Variants in NRXN3 observed in about 807,000 individuals in gnomAD.
The protein encoded by NRXN3 is neurexin III.
In NRXN3, 32 loss-of-function variants were observed where a neutral mutation model predicts 137.6. The observed-to-expected ratio is 0.23, with a 90% CI of 0.18 to 0.31. The LOEUF (loss-of-function observed/expected upper bound fraction) is 0.31. Ranked by LOEUF, NRXN3 falls within the 10% of genes least tolerant of loss-of-function variation. The pLI, the probability that NRXN3 is intolerant of heterozygous loss-of-function variation, is 1.00. For synonymous variants in NRXN3, 798 were observed against 784.5 expected (o/e 1.02, Z -0.29); for missense variants, 1,574 against 2,062.5 (o/e 0.76, Z 4.59).
intron 10 of NRXN3, among the ~76,000 whole-genome samples, chr14:78,812,942 G>A (rs1258915133): frequency 1.3e-5 from 2 of 152,104 alleles, no homozygotes; most frequent in African/African-American, 2.4e-5. Context: ...ATATACATGG[G>A]TCTTTTAAAC....
chr14:79,504,639 T>TATATATATGTATATATGTATATATATATA (rs60009832), intron 16 of NRXN3, among the ~76,000 whole-genome samples: 53 of 93,354 alleles, frequency 5.7e-4, no homozygotes, highest in African/African-American at 2.1e-3. Context: ...AAATGAAGTT[T>TATATATATGTATATATGTATATATATATA]TTTATATATA....
intron 15 of NRXN3, among the ~76,000 whole-genome samples, chr14:79,146,070 T>C (rs1465511832): frequency 6.6e-6 from 1 of 152,176 alleles, no homozygotes; most frequent in East Asian, 1.9e-4. Context: ...CCTAATTTAT[T>C]GCGCTTTTAT....
chr14:78,477,727 T>A (rs1436306570), intron 4 of NRXN3, among the ~76,000 whole-genome samples: 1 of 152,226 alleles, frequency 6.6e-6, no homozygotes, highest in African/African-American at 2.4e-5. Context: ...TGAAAAATCT[T>A]TCTTAAATCC....
chr14:78,279,064 T>G (rs1359350190), intron 3 of NRXN3, among the ~76,000 whole-genome samples: 3 of 152,250 alleles, frequency 2.0e-5, no homozygotes, highest in African/African-American at 7.2e-5. Context: ...ATGACATACG[T>G]AGCATGGAAA....
chr14:79,772,448 A>T (rs1363835145), intron 19 of NRXN3, among the ~76,000 whole-genome samples: 2 of 152,230 alleles, frequency 1.3e-5, no homozygotes, highest in East Asian at 3.9e-4. Flanking sequence ...AATGGAACAG[A>T]ACAGAGCCCT....
chr14:78,622,170 C>T (rs150814463), intron 4 of NRXN3, among the ~76,000 whole-genome samples: 1,660 of 152,202 alleles, frequency 0.011, 12 homozygotes, highest in South Asian at 0.027. Context: ...ATATTGTCCC[C>T]CTGCTCCCCA....
At chr14:78,265,399 G>A (rs1045232038) in intron 2 of NRXN3, among the ~76,000 whole-genome samples, 12 of 152,116 alleles carry the variant, frequency 7.9e-5, no homozygotes, top group Admixed American at 2.0e-4. Flanking sequence ...ATGAGGTGAC[G>A]AGACAGATGA....
At chr14:79,234,643 A>G (rs1597606925) in intron 15 of NRXN3, among the ~76,000 whole-genome samples, 1 of 151,758 alleles carries the variant, frequency 6.6e-6, no homozygotes, top group Admixed American at 6.6e-5. Context: ...CGACCTCCCA[A>G]CATGCTGGGA....
intron 8 of NRXN3, among the ~76,000 whole-genome samples, chr14:78,802,800 G>T (rs1046623192): frequency 1.3e-5 from 2 of 152,102 alleles, no homozygotes; most frequent in Non-Finnish European, 2.9e-5. Context: ...CTAAAAATCA[G>T]CTGGGCATGG....
intron 16 of NRXN3, among the ~76,000 whole-genome samples, chr14:79,526,143 G>A (rs1229287795): frequency 1.3e-5 from 2 of 152,154 alleles, no homozygotes; most frequent in Non-Finnish European, 1.5e-5. Flanking sequence ...CACCTCCTGG[G>A]TTCAAGCAAT....
intron 17 of NRXN3, among the ~76,000 whole-genome samples, chr14:79,674,562 C>T (rs1286865149): frequency 6.6e-6 from 1 of 151,954 alleles, no homozygotes; most frequent in Non-Finnish European, 1.5e-5. Context: ...CCTCATTTGC[C>T]CTCACAACCT....
Position 79,643,248 on chromosome 14 carries a change from T to A in NRXN3, c.3445-20530T>A, listed in dbSNP as rs1034643080. On this transcript the variant is annotated intron_variant, in intron 16 of 20. Transcript: ENST00000335750. The stretch of plus-strand genomic sequence containing the variant: ...GTTTTTTAAAATATATATCAAATTA[T>A]GCTATCTCACCACATCACAGTATAG... Among the ~76,000 whole-genome samples the A allele has an allele frequency of 1.5e-5, 2 of 135,924 alleles. 1 individual carries two copies. The highest frequency in any genetic ancestry group is 3.4e-5 in the Non-Finnish European group (2 of 58,428). The allele number at this position is 135,924 out of a possible 152,430, so 89.2% of individuals were successfully genotyped here.
chr14:79,170,615 T>C (rs2061686168), intron 15 of NRXN3, among the ~76,000 whole-genome samples: 1 of 152,078 alleles, frequency 6.6e-6, no homozygotes, highest in Non-Finnish European at 1.5e-5. Context: ...TCTCTACTTT[T>C]TTTTGTTGTT....
intron 20 of NRXN3, chr14:79,854,055 T>C: frequency 1.0e-6 from 1 of 984,870 alleles, no homozygotes; most frequent in Non-Finnish European, 1.2e-6. Context: ...TAAATTATTA[T>C]ATTTGAAAAA....
chr14:78,869,381 A>C (rs2099095805), intron 10 of NRXN3, among the ~76,000 whole-genome samples: 4 of 152,122 alleles, frequency 2.6e-5, no homozygotes, highest in Admixed American at 1.3e-4. Context: ...ACCATCATCC[A>C]GATTATTTAA....
intron 15 of NRXN3, among the ~76,000 whole-genome samples, chr14:79,460,979 A>G (rs538271531): frequency 6.6e-6 from 1 of 152,366 alleles, no homozygotes; most frequent in East Asian, 1.9e-4. Context: ...TTCAAAGTAG[A>G]TAAAACAGAT....
chr14:79,296,141 G>T (rs756871542), intron 15 of NRXN3, among the ~76,000 whole-genome samples: 57 of 152,114 alleles, frequency 3.7e-4, no homozygotes, highest in Non-Finnish European at 1.5e-4. Flanking sequence ...GGTAAGGAAT[G>T]AGTCATTCAT....
chr14:79,292,542 T>C (rs2083377849), intron 15 of NRXN3, among the ~76,000 whole-genome samples: 1 of 152,230 alleles, frequency 6.6e-6, no homozygotes, highest in South Asian at 2.1e-4. Context: ...GTGGCATTCA[T>C]CTTTCATTAA....
intron 19 of NRXN3, among the ~76,000 whole-genome samples, chr14:79,741,451 A>G (rs1030837082): frequency 6.7e-6 from 1 of 149,912 alleles, no homozygotes; most frequent in African/African-American, 2.5e-5. Context: ...AAGTTGAAAT[A>G]TGTGTGTGTG....
Sources: allele counts gnomAD v4.1 joint callset (sites outside exome capture counted in the v4.1 genomes callset), GRCh38; gene constraint gnomAD v4.1.1; transcripts MANE v1.5; gene names NCBI Gene and HGNC (gene_info 2026-07-23, HGNC 2026-07-21).